Variants in EPHB1 observed in about 807,000 individuals in gnomAD.
EPHB1 encodes EPH receptor B1.
In EPHB1, 30 loss-of-function variants were observed where a neutral mutation model predicts 94.4. The ratio of observed to expected loss-of-function variants is 0.32; its 90% CI spans 0.24 to 0.43. EPHB1 has a LOEUF of 0.43. Ranked by LOEUF, EPHB1 falls within the 20% of genes least tolerant of loss-of-function variation. EPHB1 has a pLI of 1.00. For synonymous variants in EPHB1, 522 were observed against 489.1 expected (o/e 1.07, Z -0.89); for missense variants, 1,055 against 1,308.3 (o/e 0.81, Z 2.99).
At chr3:135,229,467 A>C (rs946969705) in intron 12 of EPHB1, among the ~76,000 whole-genome samples, 3 of 152,178 alleles carry the variant, frequency 2.0e-5, no homozygotes, top group Non-Finnish European at 4.4e-5. Context: ...GAGAGACTAG[A>C]AGCATGGCCA....
At chr3:134,855,924 T>C (rs1032950434) in intron 1 of EPHB1, among the ~76,000 whole-genome samples, 1 of 152,114 alleles carries the variant, frequency 6.6e-6, no homozygotes, top group African/African-American at 2.4e-5. Context: ...TTATGGATGA[T>C]CACATGGAGG....
intron 12 of EPHB1, among the ~76,000 whole-genome samples, chr3:135,203,162 G>A (rs1024360312): frequency 7.2e-5 from 11 of 152,090 alleles, no homozygotes; most frequent in African/African-American, 1.9e-4. Flanking sequence ...AGTGGGAGTC[G>A]AACAATGAGA....
intron 9 of EPHB1, among the ~76,000 whole-genome samples, chr3:135,170,170 C>T (rs1420198652): frequency 1.3e-5 from 2 of 152,216 alleles, no homozygotes; most frequent in Non-Finnish European, 2.9e-5. Context: ...AGGCAAGGCA[C>T]AGGACACTAC....
intron 13 of EPHB1, among the ~76,000 whole-genome samples, chr3:135,243,727 C>G (rs1943849967): frequency 6.6e-6 from 1 of 152,164 alleles, no homozygotes; most frequent in South Asian, 2.1e-4. Flanking sequence ...AAGAGAATTG[C>G]AGAGGCAAGT....
intron 2 of EPHB1, among the ~76,000 whole-genome samples, chr3:134,934,637 A>G (rs1046814868): frequency 2.6e-5 from 4 of 151,286 alleles, no homozygotes; most frequent in African/African-American, 9.7e-5. Context: ...TAGAATGTCA[A>G]TCATTACACT....
At chr3:135,244,345 T>G (rs1943868749) in intron 13 of EPHB1, among the ~76,000 whole-genome samples, 1 of 152,232 alleles carries the variant, frequency 6.6e-6, no homozygotes, top group Admixed American at 6.5e-5. Flanking sequence ...GGGTAACAGT[T>G]GCCTAGACTG....
chr3:134,850,906 A>G (rs1456889554), intron 1 of EPHB1, among the ~76,000 whole-genome samples: 4 of 152,270 alleles, frequency 2.6e-5, no homozygotes, highest in Non-Finnish European at 5.9e-5. Context: ...CCAGGGGGGC[A>G]TTCATCTGCT....
At chr3:134,928,327 C>T (rs36178) in intron 2 of EPHB1, among the ~76,000 whole-genome samples, 89,232 of 152,068 alleles carry the variant, frequency 0.59, 28,424 homozygotes, top group African/African-American at 0.85. Context: ...TGCCAGGGAG[C>T]TTTACCAATA....
At chr3:134,822,202 G>C (rs2036394869) in intron 1 of EPHB1, among the ~76,000 whole-genome samples, 1 of 152,134 alleles carries the variant, frequency 6.6e-6, no homozygotes, top group African/African-American at 2.4e-5. Flanking sequence ...AGGCCCTGTG[G>C]CTCCTGGGGT....
At chr3:135,107,400 A>G (rs1939259541) in intron 4 of EPHB1, among the ~76,000 whole-genome samples, 2 of 150,692 alleles carry the variant, frequency 1.3e-5, no homozygotes, top group Admixed American at 1.3e-4. Context: ...CTGTCCCTGC[A>G]CAGTACTTTG....
At chr3:134,933,866 T>A (rs74521726) in intron 2 of EPHB1, among the ~76,000 whole-genome samples, 1 of 152,192 alleles carries the variant, frequency 6.6e-6, no homozygotes, top group African/African-American at 2.4e-5. Flanking sequence ...AAAGGTTTTC[T>A]TTTTTCTCAC....
At position 135,139,302 on chromosome 3, in the gene EPHB1, G is replaced by T. The variant is rs573800708; in HGVS notation, c.1297+6253G>T. On this transcript the variant is annotated intron_variant, in intron 5 of 15. Transcript: ENST00000398015. The stretch of plus-strand genomic sequence containing the variant: ...TGCTTAGGATGATGCTACAAGCCCT[G>T]ATCCACTCAGAGGAACACAGAAGAG... 5.3e-5 allele frequency among the ~76,000 whole-genome samples: 8 copies of T among 152,302 alleles called. No individual in the cohort carries two copies. The South Asian group carries it at 1.5e-3, about 28-fold the overall frequency.
intron 5 of EPHB1, among the ~76,000 whole-genome samples, chr3:135,135,541 G>A (rs976395647): frequency 6.6e-6 from 1 of 152,172 alleles, no homozygotes; most frequent in African/African-American, 2.4e-5. Flanking sequence ...TCCATTAAGG[G>A]CTGAGGTGGG....
At chr3:135,152,307 C>T (rs1302346396) in intron 5 of EPHB1, among the ~76,000 whole-genome samples, 5 of 152,078 alleles carry the variant, frequency 3.3e-5, no homozygotes, top group South Asian at 2.1e-4. Context: ...AAATAAAGAT[C>T]GGAAGATATG....
intron 1 of EPHB1, among the ~76,000 whole-genome samples, chr3:134,873,001 C>T (rs1275139525): frequency 6.6e-6 from 1 of 152,192 alleles, no homozygotes; most frequent in Admixed American, 6.5e-5. Context: ...AGACATGGCT[C>T]ATGTTTTAGC....
At chr3:135,097,793 C>T (rs560636949) in intron 3 of EPHB1, among the ~76,000 whole-genome samples, 4 of 152,324 alleles carry the variant, frequency 2.6e-5, no homozygotes, top group African/African-American at 9.6e-5. Flanking sequence ...ACTCATTTGG[C>T]TCCAAGTGCC....
chr3:135,106,626 G>C (rs577408134), intron 4 of EPHB1, 23 bp downstream of exon 4: 19 of 1,610,586 alleles, frequency 1.2e-5, no homozygotes, highest in Non-Finnish European at 1.5e-5. Context: ...TAATGGCTCT[G>C]GGCTGGGGAG....
At chr3:134,822,813 C>T (rs2108290507) in intron 1 of EPHB1, among the ~76,000 whole-genome samples, 1 of 152,222 alleles carries the variant, frequency 6.6e-6, no homozygotes, top group Non-Finnish European at 1.5e-5. Flanking sequence ...CTCAGAAATG[C>T]TGAGATTGTT....
intron 3 of EPHB1, among the ~76,000 whole-genome samples, chr3:135,038,034 C>G (rs1936704393): frequency 6.6e-6 from 1 of 152,190 alleles, no homozygotes; most frequent in Admixed American, 6.5e-5. Flanking sequence ...TCACAGAGCT[C>G]GGGTGTGTCC....
Sources: allele counts gnomAD v4.1 joint callset (sites outside exome capture counted in the v4.1 genomes callset), GRCh38; gene constraint gnomAD v4.1.1; transcripts MANE v1.5; gene names NCBI Gene and HGNC (gene_info 2026-07-23, HGNC 2026-07-21).